The following ADGRV1 variants were observed in gnomAD, a reference collection of about 807,000 sequenced individuals.
ADGRV1 encodes adhesion G protein-coupled receptor V1.
In ADGRV1, 359 loss-of-function variants were observed where a neutral mutation model predicts 596.2. The observed-to-expected ratio is 0.60, with a 90% confidence interval of 0.55 to 0.66. The LOEUF (loss-of-function observed/expected upper bound fraction) is 0.66, where lower values mean the gene tolerates loss of function less well. Ranked by LOEUF, ADGRV1 falls within the 30% of genes least tolerant of loss-of-function variation. ADGRV1 has a pLI of 0.00. For missense variants in ADGRV1, 7,274 were observed against 7,575.6 expected (o/e 0.96, Z 1.48); for synonymous variants, 2,681 against 2,679.2 (o/e 1.00, Z -0.02).
intron 1 of ADGRV1, among the ~76,000 whole-genome samples, chr5:90,580,089 T>C (rs1217301301): frequency 6.6e-6 from 1 of 152,218 alleles, no homozygotes; most frequent in African/African-American, 2.4e-5. Flanking sequence ...TATCTTTTAA[T>C]TGGGGCATTT....
chr5:90,926,814 A>G (rs1281163037), intron 83 of ADGRV1, among the ~76,000 whole-genome samples: 2 of 151,184 alleles, frequency 1.3e-5, no homozygotes, highest in Admixed American at 6.6e-5. Flanking sequence ...AATGCGTCCC[A>G]GAGATTCTGG....
At position 91,045,287 on chromosome 5, in the gene ADGRV1, C is replaced by T. The variant is rs372675638; in HGVS notation, c.18153-27160C>T. On this transcript the variant is annotated intron_variant, in intron 85 of 89. Transcript: ENST00000405460. The stretch of plus-strand genomic sequence containing the variant: ...TGATGAACATACATGCAAAAATCCT[C>T]AACAAAATACTGGCTAACGGAATCC... Among the ~76,000 whole-genome samples, 9 of 152,242 alleles carry T rather than the reference C, an allele frequency of 5.9e-5. No homozygotes were observed. In the East Asian group the frequency reaches 1.7e-3, roughly 29 times the overall value.
chr5:90,911,063 C>T (rs894341021), intron 83 of ADGRV1, among the ~76,000 whole-genome samples: 1 of 152,046 alleles, frequency 6.6e-6, no homozygotes, highest in Non-Finnish European at 1.5e-5. Flanking sequence ...TAAAAAACAG[C>T]GAGTAATTCG....
At chr5:90,834,350 A>C (rs1764775640) in intron 77 of ADGRV1, among the ~76,000 whole-genome samples, 1 of 152,108 alleles carries the variant, frequency 6.6e-6, no homozygotes. Context: ...AAAATCTCTC[A>C]GCTTTGTTTG....
chr5:90,855,484 G>C (rs1410058855), intron 81 of ADGRV1, among the ~76,000 whole-genome samples: 1 of 152,104 alleles, frequency 6.6e-6, no homozygotes, highest in African/African-American at 2.4e-5. Context: ...CCTGTTGAGA[G>C]GACAAGCTCC....
intron 84 of ADGRV1, among the ~76,000 whole-genome samples, chr5:90,968,659 C>T (rs904294371): frequency 1.4e-4 from 22 of 152,326 alleles, no homozygotes; most frequent in African/African-American, 5.3e-4. Context: ...TCAGAGGTTG[C>T]ACTTCACCAA....
At chr5:90,844,127 T>C (rs1765661983) in intron 78 of ADGRV1, among the ~76,000 whole-genome samples, 1 of 152,222 alleles carries the variant, frequency 6.6e-6, no homozygotes, top group Admixed American at 6.5e-5. Flanking sequence ...TAAGGTCATT[T>C]GTACTTTACC....
chr5:91,030,040 A>G lies in ADGRV1; in HGVS notation c.18153-42407A>G, dbSNP rs188497154. Among the ~76,000 whole-genome samples the G allele has an allele frequency of 1.5e-3, 224 of 152,272 alleles. 1 individual carries two copies. Among genetic ancestry groups the G allele is most frequent in the African/African-American group, 5.3e-3 (219 of 41,572 alleles). On this transcript the variant is annotated intron_variant, in intron 85 of 89. Transcript: ENST00000405460. ...TTGTCTCAAGAGCATTTATTAAGTA[A>G]TATCTTTCCCCATTTACTTGTCATA... is the stretch of plus-strand genomic sequence containing the variant.
chr5:90,800,810 A>G (rs1282121816), intron 70 of ADGRV1, among the ~76,000 whole-genome samples: 1 of 152,212 alleles, frequency 6.6e-6, no homozygotes, highest in East Asian at 1.9e-4. Flanking sequence ...TTCTCAGCAA[A>G]CTAACACAAG....
chr5:91,054,905 A>G (rs902174294), intron 85 of ADGRV1, among the ~76,000 whole-genome samples: 5 of 152,208 alleles, frequency 3.3e-5, no homozygotes, highest in African/African-American at 1.2e-4. Context: ...CTATCAAAAC[A>G]GCAACCATAA....
At chr5:91,035,748 C>G (rs1159429759) in intron 85 of ADGRV1, among the ~76,000 whole-genome samples, 1 of 149,970 alleles carries the variant, frequency 6.7e-6, no homozygotes, top group Non-Finnish European at 1.5e-5. Flanking sequence ...TATTTAACCC[C>G]TCTGTTCTTT....
intron 86 of ADGRV1, among the ~76,000 whole-genome samples, chr5:91,078,786 C>T (rs1394694434): frequency 6.6e-6 from 1 of 152,202 alleles, no homozygotes; most frequent in Non-Finnish European, 1.5e-5. Context: ...CCCCAATGGA[C>T]ACCACACAGA....
chr5:90,789,270 A>G (rs1759812837), intron 68 of ADGRV1, among the ~76,000 whole-genome samples: 1 of 152,182 alleles, frequency 6.6e-6, no homozygotes, highest in African/African-American at 2.4e-5. Context: ...GCGTTTGACC[A>G]AACAACTGGG....
Position 91,143,998 on chromosome 5 carries a change from G to T in ADGRV1, c.18433-6032G>T, listed in dbSNP as rs1284910792. On this transcript the variant is annotated intron_variant, in intron 87 of 89. Transcript: ENST00000405460. ...CTGGGTTGCAACAGTGCCCAGGCTT[G>T]GCCTCAACTTTGCTGTGAGATTGGA... Among the ~76,000 whole-genome samples, 4 of 152,198 alleles carry T rather than the reference G, an allele frequency of 2.6e-5. No homozygotes were observed. In the East Asian group the frequency reaches 7.7e-4, roughly 29 times the overall value.
At chr5:90,788,871 C>G (rs1422513863) in intron 68 of ADGRV1, among the ~76,000 whole-genome samples, 3 of 140,750 alleles carry the variant, frequency 2.1e-5, no homozygotes, top group South Asian at 2.1e-4. Context: ...CAGACACACA[C>G]ACACACACAC....
chr5:90,745,251 T>G lies in ADGRV1; in HGVS notation c.10755T>G (p.Ser3585=). Residue 3585 remains serine (S), a synonymous_variant, in exon 51 of 90, where the codon TCT becomes TCG. Coordinates refer to ENST00000405460, the MANE Select transcript of ADGRV1 (RefSeq NM_032119.4). Reference sequence around the variant, plus strand: ...AGCTAGCCTACATTTCCAGCCATTCTGACTTTATTCCTAGGTAGGTTCAAC... The same window carrying G: ...AGCTAGCCTACATTTCCAGCCATTCGGACTTTATTCCTAGGTAGGTTCAAC... ...IYELAYISSH[S]DFIPSSGELI... is the part of the protein sequence containing the mutation. The G allele has an allele frequency of 6.3e-7, 1 of 1,594,046 alleles. No homozygotes were observed.
In ADGRV1 at chr5:90,635,230, T is replaced by G. The variant is rs1766022059; in HGVS notation, c.1956T>G (p.Ile652Met). 6.2e-7 allele frequency: 1 copy of G among 1,612,924 alleles called. No individual in the cohort carries two copies. Among genetic ancestry groups the G allele is most frequent in the African/African-American group, 1.3e-5 (1 of 74,888 alleles). The change falls in exon 10 of 90, where the codon ATT becomes ATG. Residue 652 changes from isoleucine to methionine, a missense_variant. By Grantham distance (10) the Ile-to-Met change is conservative. Coordinates refer to ENST00000405460, the MANE Select transcript of ADGRV1 (RefSeq NM_032119.4). ...LVTPAIANGEIGFLSNLPIIL... is the reference protein window; with the variant it reads ...LVTPAIANGEMGFLSNLPIIL... Reference sequence around the variant, plus strand: ...CTCCAGCCATTGCAAATGGAGAAATTGGCTTTCTCAGCAATCTTCCAATTA... The same window carrying G: ...CTCCAGCCATTGCAAATGGAGAAATGGGCTTTCTCAGCAATCTTCCAATTA...
intron 86 of ADGRV1, among the ~76,000 whole-genome samples, chr5:91,100,185 G>A (rs1791244360): frequency 1.3e-5 from 2 of 152,200 alleles, no homozygotes; most frequent in African/African-American, 4.8e-5. Flanking sequence ...ACTTTGGGAG[G>A]CCAAGGCATG....
chr5:91,067,525 C>T (rs1787990541), intron 85 of ADGRV1, among the ~76,000 whole-genome samples: 1 of 152,132 alleles, frequency 6.6e-6, no homozygotes, highest in Admixed American at 6.5e-5. Context: ...CTGGTTACTT[C>T]CAACCTCCCA....
Sources: allele counts gnomAD v4.1 joint callset (sites outside exome capture counted in the v4.1 genomes callset), GRCh38; gene constraint gnomAD v4.1.1; transcripts MANE v1.5; gene names NCBI Gene and HGNC (gene_info 2026-07-23, HGNC 2026-07-21).